The following CPNE8 variants were observed in gnomAD, a reference collection of about 807,000 sequenced individuals.
CPNE8 encodes copine 8, also known as copine-8.
A neutral mutation model predicts 81.5 loss-of-function variants in CPNE8; 45 were observed. That is an observed-to-expected ratio of 0.55 (90% CI 0.44 to 0.71). The LOEUF is 0.71. CPNE8 is among the 30% of genes least tolerant of loss of function. The pLI is 0.00. For missense variants in CPNE8, 594 were observed against 672.1 expected, an observed-to-expected ratio of 0.88 and a Z score of 1.28; for synonymous variants, 252 against 226.3, an observed-to-expected ratio of 1.11 and a Z score of -1.02.
intron 13 of CPNE8, among the ~76,000 whole-genome samples, chr12:38,722,091 A>T (rs1940579258): frequency 6.6e-6 from 1 of 152,150 alleles, no homozygotes; most frequent in African/African-American, 2.4e-5. Flanking sequence ...AAAAGGTGCC[A>T]CCGGCCAGAG....
In CPNE8 at chr12:38,656,864, G is replaced by C. The variant is rs144342955; in HGVS notation, c.1507-2794C>G. Among the ~76,000 whole-genome samples, 131 of 152,306 alleles carry C rather than the reference G, an allele frequency of 8.6e-4. 1 individual carries two copies. Among genetic ancestry groups the C allele is most frequent in the African/African-American group, 3.0e-3 (123 of 41,564 alleles). ...CCAGAGAATAGACACTGTGGGAGCC[G>C]TAAAGTATTTCCTTGGTGGTTGGGA... is the stretch of plus-strand genomic sequence containing the variant. On this transcript the variant is annotated intron_variant, in intron 19 of 19. Transcript: ENST00000331366.
At chr12:38,687,370 CTTTCTTTTT>C (rs1347636767) in intron 15 of CPNE8, among the ~76,000 whole-genome samples, 3 of 95,494 alleles carry the variant, frequency 3.1e-5, no homozygotes, top group Admixed American at 1.3e-4. Context: ...AATGCCAAGA[CTTTCTTTTT>C]TTTTTTTTTT....
intron 6 of CPNE8, among the ~76,000 whole-genome samples, chr12:38,805,717 A>T (rs1308929734): frequency 6.8e-6 from 1 of 147,612 alleles, no homozygotes; most frequent in Non-Finnish European, 1.5e-5. Context: ...GAGCAAACAC[A>T]TTCAAAAGCT....
intron 6 of CPNE8, among the ~76,000 whole-genome samples, chr12:38,779,625 T>C (rs564639188): frequency 6.6e-6 from 1 of 152,168 alleles, no homozygotes; most frequent in Non-Finnish European, 1.5e-5. Flanking sequence ...CAAGTGATCA[T>C]GGTTGCCTGG....
At chr12:38,857,695 G>A (rs760277256) in intron 3 of CPNE8, among the ~76,000 whole-genome samples, 6 of 152,076 alleles carry the variant, frequency 3.9e-5, no homozygotes, top group Non-Finnish European at 8.8e-5. Flanking sequence ...GGTGGATCAC[G>A]AGGTCAGGAG....
chr12:38,887,992 T>G (rs1370907515), intron 1 of CPNE8, among the ~76,000 whole-genome samples: 1 of 152,236 alleles, frequency 6.6e-6, no homozygotes, highest in African/African-American at 2.4e-5. Context: ...TAGCAGTCTT[T>G]TAGGGTTTAT....
Position 38,848,732 on chromosome 12 carries a change from A to G in CPNE8, c.187-70T>C, listed in dbSNP as rs1047882709. 4.8e-6 allele frequency: 7 copies of G among 1,443,712 alleles called. No homozygotes were observed. In the African/African-American group the frequency reaches 6.0e-5, roughly 12 times the overall value. The allele number at this position is 1,443,712 out of a possible 1,614,324, so 89.4% of individuals were successfully genotyped here. On this transcript the variant is annotated intron_variant, in intron 3 of 19. Coordinates refer to ENST00000331366, the MANE Select transcript of CPNE8 (RefSeq NM_153634.3). Reference sequence around the variant, plus strand: ...ACTTATTACAAGTATAGTACTTAATATCACACAGTTCTTTTAAAAAACAAG... The same window carrying G: ...ACTTATTACAAGTATAGTACTTAATGTCACACAGTTCTTTTAAAAAACAAG...
chr12:38,713,275 CTCTCCTATTACCT>C, intron 13 of CPNE8, among the ~76,000 whole-genome samples: 1 of 152,292 alleles, frequency 6.6e-6, no homozygotes, highest in Admixed American at 6.5e-5. Flanking sequence ...CACTTACTGT[CTCTCCTATTACCT>C]TCTCTCATAC....
In CPNE8 at chr12:38,675,715, A is replaced by G; in HGVS notation, c.1432+2T>C. 11 of 1,584,892 alleles carry G rather than the reference A, an allele frequency of 6.9e-6. No individual in the cohort carries two copies. Among genetic ancestry groups the G allele is most frequent in the Non-Finnish European group, 9.5e-6 (11 of 1,153,926 alleles). On this transcript the variant is annotated splice_donor_variant, in intron 18 of 19. Coordinates refer to ENST00000331366, the MANE Select transcript of CPNE8 (RefSeq NM_153634.3). LOFTEE classifies it high-confidence loss of function. ...GAATATTATTGAAATTTTACTACTC[A>G]CCATCAAATTCTGCTGGTCCAACAC...
At chr12:38,776,375 T>A (rs951561557) in intron 6 of CPNE8, 74 bp from the exon 7 acceptor site, 3 of 464,784 alleles carry the variant, frequency 6.5e-6, no homozygotes, top group African/African-American at 2.1e-5. Context: ...TTATATATCA[T>A]GTTTATTTTT....
intron 1 of CPNE8, among the ~76,000 whole-genome samples, chr12:38,893,186 G>A (rs1190161277): frequency 6.6e-6 from 1 of 152,184 alleles, no homozygotes; most frequent in Non-Finnish European, 1.5e-5. Context: ...GTTTGAACCA[G>A]AGCAACTCCA....
At chr12:38,803,326 AT>A (rs1370256228) in intron 6 of CPNE8, among the ~76,000 whole-genome samples, 1 of 93,564 alleles carries the variant, frequency 1.1e-5, no homozygotes, top group Non-Finnish European at 2.4e-5. Context: ...AGTGGGCTTC[AT>A]CCCTGGGATG....
chr12:38,786,569 G>A (rs781219445), intron 6 of CPNE8, among the ~76,000 whole-genome samples: 1 of 152,024 alleles, frequency 6.6e-6, no homozygotes, highest in Non-Finnish European at 1.5e-5. Context: ...GGCCTATTAT[G>A]GGACTTTGTG....
chr12:38,703,377 A>G (rs1940000003), intron 13 of CPNE8, among the ~76,000 whole-genome samples: 1 of 152,160 alleles, frequency 6.6e-6, no homozygotes, highest in South Asian at 2.1e-4. Flanking sequence ...TCTTTTTGAC[A>G]ATCCCCCAAA....
intron 19 of CPNE8, among the ~76,000 whole-genome samples, chr12:38,667,916 G>A (rs889829088): frequency 3.3e-5 from 5 of 151,900 alleles, no homozygotes; most frequent in Non-Finnish European, 5.9e-5. Context: ...TCTTGCCTCC[G>A]CCTCCTGAGT....
In CPNE8 at chr12:38,819,201, CT is replaced by C. The variant is rs546434635; in HGVS notation, c.407+10177del. Among the ~76,000 whole-genome samples the C allele has an allele frequency of 1.4e-3, 215 of 152,232 alleles. 1 individual carries two copies. The highest frequency in any genetic ancestry group is 4.9e-3 in the African/African-American group (203 of 41,534). On this transcript the variant is annotated intron_variant, in intron 6 of 19. Transcript: ENST00000331366. The stretch of plus-strand genomic sequence containing the variant: ...GCTTTTGGTGTTTTAGTCATGAAGT[CT>C]TTGCCCATGCCTATGTCCTGAATCG...
intron 6 of CPNE8, among the ~76,000 whole-genome samples, chr12:38,798,472 T>A (rs1297567438): frequency 6.6e-6 from 1 of 151,810 alleles, no homozygotes; most frequent in Non-Finnish European, 1.5e-5. Context: ...GAAGGAGAAA[T>A]AAAATACTTT....
At chr12:38,861,636 G>A (rs1309808594) in intron 3 of CPNE8, among the ~76,000 whole-genome samples, 1 of 151,944 alleles carries the variant, frequency 6.6e-6, no homozygotes, top group South Asian at 2.1e-4. Flanking sequence ...CAAACTTTTT[G>A]TCAGAAATGC....
chr12:38,784,731 A>G (rs755393820), intron 6 of CPNE8, among the ~76,000 whole-genome samples: 6 of 152,146 alleles, frequency 3.9e-5, no homozygotes, highest in Non-Finnish European at 8.8e-5. Flanking sequence ...CATATATAAA[A>G]TGCTGAAGGA....
Sources: gnomAD v4.1 joint callset for allele counts (sites outside exome capture counted in the v4.1 genomes callset) on GRCh38, gnomAD v4.1.1 for gene constraint, MANE v1.5 for transcripts, NCBI Gene and HGNC (gene_info 2026-07-23, HGNC 2026-07-21) for gene names.